B3GALNT2: variants seen among roughly 807,000 people sequenced by gnomAD.
B3GALNT2 encodes beta-1,3-N-acetylgalactosaminyltransferase 2.
A neutral mutation model predicts 61.1 loss-of-function variants in B3GALNT2; 53 were observed. That is an observed-to-expected ratio of 0.87 (90% CI 0.70 to 1.09). B3GALNT2 has a LOEUF of 1.09. Ranked by LOEUF, B3GALNT2 falls within the 50% of genes least tolerant of loss-of-function variation. The pLI is 0.00. For missense variants in B3GALNT2, 544 were observed against 623.0 expected, an observed-to-expected ratio of 0.87 and a Z score of 1.35; for synonymous variants, 223 against 237.4, an observed-to-expected ratio of 0.94 and a Z score of 0.56.
intron 3 of B3GALNT2, among the ~76,000 whole-genome samples, chr1:235,488,772 T>G (rs1363542605): frequency 3.8e-5 from 5 of 133,102 alleles, no homozygotes; most frequent in Admixed American, 7.8e-5. Context: ...AAAAACAGAC[T>G]CCAGGGCATG....
intron 10 of B3GALNT2, 136 bp from the exon 11 acceptor site, chr1:235,453,282 A>AAATGGGTTCACAT: frequency 1.2e-6 from 1 of 830,940 alleles, no homozygotes. Flanking sequence ...GAAATAGCAA[A>AAATGGGTTCACAT]AATGGGTTCA....
Position 235,486,938 on chromosome 1 carries a change from G to C in B3GALNT2, c.361+2230C>G, listed in dbSNP as rs551405595. 5.9e-5 allele frequency among the ~76,000 whole-genome samples: 9 copies of C among 152,256 alleles called. No homozygotes were observed. The South Asian group carries it at 1.9e-3, about 32-fold the overall frequency. Reference sequence around the variant, plus strand: ...AATCCCAGCACTTTGGGAGGCTGAGGGGGGTGGATCACGTGAGGTCAGGAG... The same window carrying C: ...AATCCCAGCACTTTGGGAGGCTGAGCGGGGTGGATCACGTGAGGTCAGGAG... On this transcript the variant is annotated intron_variant, in intron 3 of 11. Transcript: ENST00000366600.
chr1:235,497,106 A>T (rs1286521596), intron 1 of B3GALNT2, among the ~76,000 whole-genome samples: 2 of 152,240 alleles, frequency 1.3e-5, no homozygotes, highest in Non-Finnish European at 2.9e-5. Flanking sequence ...CTCATAGCTC[A>T]GAACATTTTT....
chr1:235,470,381 A>C (rs1683930615), intron 6 of B3GALNT2, among the ~76,000 whole-genome samples: 1 of 152,092 alleles, frequency 6.6e-6, no homozygotes, highest in Non-Finnish European at 1.5e-5. Flanking sequence ...ACTTGAGCCC[A>C]GAAGTTTGCA....
At chr1:235,446,431 C>G (rs985159768), downstream of B3GALNT2, among the ~76,000 whole-genome samples, 31 of 152,198 alleles carry the variant, frequency 2.0e-4, no homozygotes, top group African/African-American at 7.0e-4. Flanking sequence ...CCCGCCTCGG[C>G]CTCCCAAAGT....
Position 235,504,388 on chromosome 1 carries a change from G to C in B3GALNT2, c.-136C>G, listed in dbSNP as rs1262067297. 4 of 1,019,708 alleles carry C rather than the reference G, an allele frequency of 3.9e-6. No homozygotes were observed. The Admixed American group carries it at 1.2e-4, about 30-fold the overall frequency. The allele number at this position is 1,019,708 out of a possible 1,614,324, so 63.2% of individuals were successfully genotyped here. On this transcript the variant is annotated 5_prime_UTR_variant, in exon 1 of 12. Transcript: ENST00000366600. ...CCCGCCCTCGCGCTCGGCGACGTCT[G>C]GGGGGCTCCTCGCAGCTCCCGGCCC...
rs776269722 is a variant in B3GALNT2 at position 235,494,681 on chromosome 1, C to T, written c.260G>A (p.Arg87His). ...CAAGGCAACAACTCAGAAAACCTAC[C>T]GTTGACTTAATGTGGGATGCTGTAG... ...HLLQHPTLSQRVLVKFIIGAH... is the reference protein window; with the variant it reads ...HLLQHPTLSQHVLVKFIIGAH... The change falls in exon 2 of 12, where the codon CGT becomes CAT. Residue 87 changes from arginine to histidine, a missense_variant and splice_region_variant. Transcript: ENST00000366600. 4.3e-6 allele frequency: 7 copies of T among 1,609,952 alleles called. No individual in the cohort carries two copies. The highest frequency in any genetic ancestry group is 2.2e-5 in the South Asian group (2 of 90,642).
chr1:235,468,001 AAC>A (rs1441728677), intron 6 of B3GALNT2, among the ~76,000 whole-genome samples: 1 of 152,120 alleles, frequency 6.6e-6, no homozygotes, highest in Admixed American at 6.5e-5. Context: ...GCTGGTCTCG[AAC>A]TCCTGACTTC....
chr1:235,442,005 A>G, the B3GALNT2 span: 9 of 833,896 alleles, frequency 1.1e-5, no homozygotes, highest in African/African-American at 9.1e-5. Context: ...GTTTTAAATG[A>G]AAATTTTTTT....
At chr1:235,469,147 T>C (rs1683867089) in intron 6 of B3GALNT2, among the ~76,000 whole-genome samples, 1 of 152,174 alleles carries the variant, frequency 6.6e-6, no homozygotes, top group South Asian at 2.1e-4. Flanking sequence ...AGTATGTCTA[T>C]TTTACCCTGC....
chr1:235,442,823 A>T (rs778291075), downstream of B3GALNT2: 1 of 1,606,500 alleles, frequency 6.2e-7, no homozygotes, highest in Non-Finnish European at 8.5e-7. Context: ...GTAGATATCA[A>T]TTAGTCTTTT....
intron 5 of B3GALNT2, among the ~76,000 whole-genome samples, chr1:235,471,280 C>G (rs1183283446): frequency 6.6e-6 from 1 of 152,152 alleles, no homozygotes; most frequent in African/African-American, 2.4e-5. Flanking sequence ...TGTATAACAT[C>G]CCAATGAGCA....
At chr1:235,450,469 T>G in intron 11 of B3GALNT2, 129 bp from the exon 12 acceptor site, 1 of 1,182,908 alleles carries the variant, frequency 8.5e-7, no homozygotes, top group Non-Finnish European at 1.2e-6. Flanking sequence ...ACTCCGTGTG[T>G]GGAACAACTG....
intron 7 of B3GALNT2, among the ~76,000 whole-genome samples, chr1:235,460,510 T>C (rs1464417775): frequency 2.0e-5 from 3 of 151,212 alleles, no homozygotes; most frequent in African/African-American, 7.3e-5. Flanking sequence ...TAAAAAATTG[T>C]TAATTCTGAG....
intron 7 of B3GALNT2, among the ~76,000 whole-genome samples, chr1:235,462,175 G>T (rs1336068832): frequency 6.6e-6 from 1 of 152,248 alleles, no homozygotes; most frequent in Admixed American, 6.5e-5. Flanking sequence ...GATGGAAAGT[G>T]AAAGTGTTAT....
chr1:235,475,505 G>T (rs1684235532), intron 5 of B3GALNT2, among the ~76,000 whole-genome samples: 1 of 152,022 alleles, frequency 6.6e-6, no homozygotes, highest in Non-Finnish European at 1.5e-5. Flanking sequence ...CTCGCAAATG[G>T]AATACACTAC....
chr1:235,492,483 A>C (rs1201231318), intron 2 of B3GALNT2, among the ~76,000 whole-genome samples: 3 of 152,212 alleles, frequency 2.0e-5, no homozygotes, highest in Non-Finnish European at 4.4e-5. Flanking sequence ...GAAATGTCTG[A>C]ATATAAACTA....
intron 1 of B3GALNT2, among the ~76,000 whole-genome samples, chr1:235,495,320 A>G (rs1483426971): frequency 6.6e-6 from 1 of 152,230 alleles, no homozygotes; most frequent in Non-Finnish European, 1.5e-5. Context: ...GTTTGGTATT[A>G]GGCATATATG....
chr1:235,470,581 A>AG (rs1312354402), intron 6 of B3GALNT2, among the ~76,000 whole-genome samples: 1 of 151,556 alleles, frequency 6.6e-6, no homozygotes, highest in Non-Finnish European at 1.5e-5. Flanking sequence ...CTCTCAAAAA[A>AG]AAAAAAAAAA....
Sources: gnomAD v4.1 joint callset for allele counts (sites outside exome capture counted in the v4.1 genomes callset) on GRCh38, gnomAD v4.1.1 for gene constraint, MANE v1.5 for transcripts, NCBI Gene and HGNC (gene_info 2026-07-23, HGNC 2026-07-21) for gene names.